APBB2: variants seen among roughly 807,000 people sequenced by gnomAD.
APBB2 encodes the protein amyloid beta precursor protein binding family B member 2, also known as Fe65-like 1.
Under a neutral mutation model 82.5 loss-of-function variants are expected in APBB2, and 38 were observed. The ratio of observed to expected loss-of-function variants is 0.46; its 90% confidence interval spans 0.36 to 0.60. APBB2 has a LOEUF of 0.60. Ranked by LOEUF, APBB2 falls within the 20% of genes least tolerant of loss-of-function variation. The probability of loss-of-function intolerance (pLI) is 0.00; values close to 1 mark genes in which losing one functional copy is unlikely to be tolerated. For missense variants in APBB2, 772 were observed against 972.3 expected (o/e 0.79, Z 2.74); for synonymous variants, 341 against 368.2 (o/e 0.93, Z 0.85).
At chr4:41,083,034 G>A (rs1227757358) in intron 3 of APBB2, among the ~76,000 whole-genome samples, 4 of 151,992 alleles carry the variant, frequency 2.6e-5, no homozygotes, top group South Asian at 2.1e-4. Flanking sequence ...GCATGGTGGC[G>A]CATGCCTGTA....
chr4:41,064,684 G>C (rs1731072630), intron 4 of APBB2, among the ~76,000 whole-genome samples: 1 of 152,192 alleles, frequency 6.6e-6, no homozygotes, highest in Admixed American at 6.5e-5. Context: ...TACAACTATA[G>C]CAGTTCCCAA....
At chr4:41,017,074 T>C (rs1361788844) in intron 5 of APBB2, among the ~76,000 whole-genome samples, 1 of 151,948 alleles carries the variant, frequency 6.6e-6, no homozygotes, top group Non-Finnish European at 1.5e-5. Context: ...TTTTTGACTT[T>C]TTGTAGAGGC....
At position 40,944,967 on chromosome 4, in the gene APBB2, T is replaced by C. The variant is rs1787978171; in HGVS notation, c.942A>G (p.Gly314=). The part of the protein sequence containing the change: ...AGTYYWHIPT[G]TTQWERPVSI... ...AGACGGGCCGTTCCCACTGAGTCGTTCCTGTTGGGATGTGCCAATAATAGG... is the reference window on the plus strand; with the variant it reads ...AGACGGGCCGTTCCCACTGAGTCGTCCCTGTTGGGATGTGCCAATAATAGG... Residue 314 remains glycine, a synonymous_variant, in exon 7 of 18, where the codon GGA becomes GGG. Transcript: ENST00000508593. 6.2e-7 allele frequency: 1 copy of C among 1,613,738 alleles called. No individual in the cohort carries two copies.
At chr4:40,914,283 GAA>G (rs1407192471) in intron 10 of APBB2, among the ~76,000 whole-genome samples, 5 of 152,262 alleles carry the variant, frequency 3.3e-5, no homozygotes, top group African/African-American at 1.2e-4. Flanking sequence ...CGAGGCAGGA[GAA>G]TGGCGTGAAC....
At chr4:40,945,101 G>GC in intron 6 of APBB2, 28 bp from the exon 7 acceptor site, 4 of 738,544 alleles carry the variant, frequency 5.4e-6, no homozygotes, top group Non-Finnish European at 9.1e-6. Context: ...GGGGCGGGGG[G>GC]AGAAAGAGAG....
chr4:41,117,848 C>G (rs754612338), intron 2 of APBB2, among the ~76,000 whole-genome samples: 18 of 152,102 alleles, frequency 1.2e-4, no homozygotes, highest in Non-Finnish European at 1.9e-4. Context: ...ATGTGTCAGG[C>G]AACTGTTCTA....
intron 6 of APBB2, among the ~76,000 whole-genome samples, chr4:40,976,786 TC>T (rs545887831): frequency 1.8e-3 from 272 of 152,228 alleles, no homozygotes; most frequent in African/African-American, 6.2e-3. Flanking sequence ...TGCCTGTAAT[TC>T]CAGCACTTTG....
At chr4:41,161,699 T>G (rs1297503614) in intron 1 of APBB2, among the ~76,000 whole-genome samples, 1 of 151,972 alleles carries the variant, frequency 6.6e-6, no homozygotes, top group Non-Finnish European at 1.5e-5. Context: ...CTCAGGAGAG[T>G]AGGTGAAGCC....
chr4:40,920,588 C>T (rs1405616471), intron 10 of APBB2, among the ~76,000 whole-genome samples: 3 of 152,116 alleles, frequency 2.0e-5, no homozygotes, highest in Non-Finnish European at 4.4e-5. Flanking sequence ...AGGGCAGGGC[C>T]GGGCTGGACG....
At chr4:41,149,811 TAGTG>T (rs1287495104) in intron 1 of APBB2, among the ~76,000 whole-genome samples, 7 of 152,186 alleles carry the variant, frequency 4.6e-5, no homozygotes, top group East Asian at 1.9e-4. Context: ...GTTCTCATGA[TAGTG>T]AGTAAGTCTC....
intron 12 of APBB2, among the ~76,000 whole-genome samples, chr4:40,886,154 G>A (rs1770185921): frequency 1.3e-5 from 2 of 152,168 alleles, no homozygotes; most frequent in Non-Finnish European, 1.5e-5. Flanking sequence ...AGGCAAGAGG[G>A]GAGTCCCTGT....
chr4:41,094,531 T>C (rs571047080), intron 3 of APBB2, among the ~76,000 whole-genome samples: 1 of 152,312 alleles, frequency 6.6e-6, no homozygotes, highest in East Asian at 1.9e-4. Flanking sequence ...TATTTAACTT[T>C]AGAAGACAGA....
chr4:40,922,128 A>T (rs1448806167), intron 10 of APBB2, among the ~76,000 whole-genome samples: 1 of 152,208 alleles, frequency 6.6e-6, no homozygotes, highest in Non-Finnish European at 1.5e-5. Context: ...GAAATTATTT[A>T]TGTGTTAGGG....
intron 12 of APBB2, among the ~76,000 whole-genome samples, chr4:40,888,246 T>C (rs1363327258): frequency 2.0e-5 from 3 of 152,246 alleles, no homozygotes; most frequent in Admixed American, 6.5e-5. Context: ...ACTTCACAGA[T>C]GAGAGAACTG....
intron 12 of APBB2, among the ~76,000 whole-genome samples, chr4:40,835,800 T>TGCA (rs1718027546): frequency 6.6e-6 from 1 of 152,170 alleles, no homozygotes; most frequent in South Asian, 2.1e-4. Context: ...ATGAGCAAAG[T>TGCA]GCAGGCTAAA....
At chr4:40,978,890 T>C (rs1238925218) in intron 6 of APBB2, among the ~76,000 whole-genome samples, 7 of 152,018 alleles carry the variant, frequency 4.6e-5, no homozygotes, top group Non-Finnish European at 1.0e-4. Flanking sequence ...TTAAAGTCAA[T>C]GAACTGCAGA....
intron 1 of APBB2, among the ~76,000 whole-genome samples, chr4:41,201,063 G>C (rs1427524936): frequency 6.6e-6 from 1 of 152,162 alleles, no homozygotes; most frequent in Non-Finnish European, 1.5e-5. Context: ...CATCAAATGA[G>C]ATAATCCATG....
At chr4:41,153,510 T>G (rs1762769034) in intron 1 of APBB2, among the ~76,000 whole-genome samples, 1 of 152,224 alleles carries the variant, frequency 6.6e-6, no homozygotes, top group Non-Finnish European at 1.5e-5. Flanking sequence ...CTATCTCATC[T>G]GTAACTAGGC....
chr4:41,120,914 A>G (rs541316511), intron 2 of APBB2, among the ~76,000 whole-genome samples: 1 of 152,328 alleles, frequency 6.6e-6, no homozygotes, highest in East Asian at 1.9e-4. Flanking sequence ...CAAAATATAA[A>G]GCTCCTGGCT....
Sources: gnomAD v4.1 joint callset for allele counts (sites outside exome capture counted in the v4.1 genomes callset) on GRCh38, gnomAD v4.1.1 for gene constraint, MANE v1.5 for transcripts, NCBI Gene and HGNC (gene_info 2026-07-23, HGNC 2026-07-21) for gene names.